Variants in PDE4D observed in about 807,000 individuals in gnomAD.
PDE4D encodes the protein phosphodiesterase 4D, also known as 3',5'-cyclic-AMP phosphodiesterase 4D.
A neutral mutation model predicts 87.4 loss-of-function variants in PDE4D; 24 were observed. The observed-to-expected ratio is 0.27, with a 90% CI of 0.20 to 0.39. PDE4D has a LOEUF of 0.39. Among genes scored for constraint, PDE4D ranks in the 10% least tolerant of loss-of-function variants. The pLI is 1.00. For synonymous variants in PDE4D, 384 were observed against 383.2 expected, an observed-to-expected ratio of 1.00 and a Z score of -0.02; for missense variants, 714 against 1,041.0, an observed-to-expected ratio of 0.69 and a Z score of 4.32.
At chr5:59,152,932 C>G (rs1205265181) in intron 5 of PDE4D, among the ~76,000 whole-genome samples, 2 of 152,022 alleles carry the variant, frequency 1.3e-5, no homozygotes, top group Non-Finnish European at 2.9e-5. Flanking sequence ...TGGAGTTGTT[C>G]TTCTCCTCTC....
chr5:59,913,095 G>T (rs1753628855), intron 3 of PDE4D, among the ~76,000 whole-genome samples: 1 of 152,034 alleles, frequency 6.6e-6, no homozygotes, highest in South Asian at 2.1e-4. Flanking sequence ...TGACCAGATG[G>T]TAAGCCATTA....
intron 1 of PDE4D, among the ~76,000 whole-genome samples, chr5:59,452,638 G>A (rs1799337217): frequency 6.6e-6 from 1 of 152,154 alleles, no homozygotes; most frequent in African/African-American, 2.4e-5. Context: ...ATGTCCACCA[G>A]TGCCTCCAAT....
intron 1 of PDE4D, among the ~76,000 whole-genome samples, chr5:60,456,415 C>T (rs1181101751): frequency 1.3e-5 from 2 of 152,198 alleles, no homozygotes; most frequent in Admixed American, 1.3e-4. Context: ...GCCAGGAAAT[C>T]TAATTAGCCA....
intron 6 of PDE4D, among the ~76,000 whole-genome samples, chr5:59,037,254 C>T (rs540947775): frequency 3.9e-5 from 6 of 152,232 alleles, no homozygotes; most frequent in African/African-American, 7.2e-5. Flanking sequence ...AAACTACTGT[C>T]GAATCACCTT....
intron 1 of PDE4D, among the ~76,000 whole-genome samples, chr5:59,826,791 A>G (rs1359540034): frequency 6.6e-6 from 1 of 152,184 alleles, no homozygotes. Flanking sequence ...AAGGGAAACT[A>G]TCCACACAAG....
At chr5:59,712,430 T>TA (rs1754344380) in intron 1 of PDE4D, among the ~76,000 whole-genome samples, 2 of 115,946 alleles carry the variant, frequency 1.7e-5, no homozygotes, top group Admixed American at 8.2e-5. Flanking sequence ...ATATATATAT[T>TA]TAAGTTGTTT....
intron 1 of PDE4D, among the ~76,000 whole-genome samples, chr5:59,583,880 G>A (rs902840280): frequency 6.6e-6 from 1 of 152,196 alleles, no homozygotes; most frequent in African/African-American, 2.4e-5. Context: ...ACCAGCACAT[G>A]CCAAGTCCCG....
chr5:60,351,600 T>C (rs1412636052), intron 1 of PDE4D, among the ~76,000 whole-genome samples: 1 of 152,108 alleles, frequency 6.6e-6, no homozygotes, highest in Non-Finnish European at 1.5e-5. Flanking sequence ...CATGATGACC[T>C]TGCAGAATTG....
intron 1 of PDE4D, among the ~76,000 whole-genome samples, chr5:59,271,792 T>C (rs1028108699): frequency 2.0e-5 from 3 of 152,070 alleles, no homozygotes; most frequent in Non-Finnish European, 4.4e-5. Context: ...CTAATACATA[T>C]AGTAGGTATA....
intron 5 of PDE4D, among the ~76,000 whole-genome samples, chr5:59,125,034 A>G (rs1775169245): frequency 6.6e-6 from 1 of 152,120 alleles, no homozygotes; most frequent in Non-Finnish European, 1.5e-5. Context: ...TACATGAAGA[A>G]CGAAGCAAGT....
intron 1 of PDE4D, among the ~76,000 whole-genome samples, chr5:59,277,860 G>T (rs1355484733): frequency 6.6e-6 from 1 of 152,090 alleles, no homozygotes; most frequent in Non-Finnish European, 1.5e-5. Context: ...CATCTTCCAA[G>T]AATCTTTCTC....
chr5:59,457,147 C>A (rs1192999748), intron 1 of PDE4D, among the ~76,000 whole-genome samples: 1 of 152,154 alleles, frequency 6.6e-6, no homozygotes, highest in Non-Finnish European at 1.5e-5. Flanking sequence ...GCAGAGAAGT[C>A]TTTTATGAAG....
At chr5:60,408,757 C>T (rs1252904759) in intron 1 of PDE4D, among the ~76,000 whole-genome samples, 3 of 152,184 alleles carry the variant, frequency 2.0e-5, no homozygotes, top group South Asian at 2.1e-4. Flanking sequence ...TCTACCACCA[C>T]CATCACTATA....
intron 5 of PDE4D, among the ~76,000 whole-genome samples, chr5:59,137,644 A>C (rs921052568): frequency 4.0e-5 from 6 of 151,046 alleles, no homozygotes; most frequent in Admixed American, 3.3e-4. Context: ...CTCCTGCCTC[A>C]GCCTCCCTAG....
At chr5:60,130,447 C>T (rs1173636919) in intron 2 of PDE4D, among the ~76,000 whole-genome samples, 1 of 152,130 alleles carries the variant, frequency 6.6e-6, no homozygotes, top group Non-Finnish European at 1.5e-5. Context: ...GGACACATTT[C>T]CTTGACAGTC....
chr5:59,573,951 T>C (rs1822319358), intron 1 of PDE4D, among the ~76,000 whole-genome samples: 2 of 137,606 alleles, frequency 1.5e-5, no homozygotes, highest in African/African-American at 5.7e-5. Flanking sequence ...TGGGATGACA[T>C]CACACCACTG....
intron 1 of PDE4D, among the ~76,000 whole-genome samples, chr5:59,513,707 GAGTA>G (rs1171589527): frequency 2.0e-5 from 3 of 152,164 alleles, no homozygotes; most frequent in Non-Finnish European, 2.9e-5. Context: ...ACATGCTAAA[GAGTA>G]AGTAAGAATT....
chr5:59,948,843 C>T (rs1757972722), intron 3 of PDE4D, among the ~76,000 whole-genome samples: 1 of 152,204 alleles, frequency 6.6e-6, no homozygotes, highest in Non-Finnish European at 1.5e-5. Context: ...GACTTAGCCA[C>T]GAACTACCTT....
intron 1 of PDE4D, among the ~76,000 whole-genome samples, chr5:59,600,117 C>A (rs1038084878): frequency 6.6e-6 from 1 of 152,152 alleles, no homozygotes; most frequent in Non-Finnish European, 1.5e-5. Flanking sequence ...CCATCCCTAC[C>A]AACTCTTGCT....
Sources: gnomAD v4.1 joint callset for allele counts (sites outside exome capture counted in the v4.1 genomes callset) on GRCh38, gnomAD v4.1.1 for gene constraint, MANE v1.5 for transcripts, NCBI Gene and HGNC (gene_info 2026-07-23, HGNC 2026-07-21) for gene names.